Variants in CDH12 observed in about 807,000 individuals in gnomAD.
CDH12 encodes cadherin 12, also known as cadherin-12.
CDH12 carries 41 observed loss-of-function variants against 74.1 expected under a neutral mutation model. That is an observed-to-expected ratio of 0.55 (90% confidence interval 0.43 to 0.72). The LOEUF is 0.72. Ranked by LOEUF, CDH12 falls within the 30% of genes least tolerant of loss-of-function variation. CDH12 has a pLI of 0.00. For missense variants in CDH12, 945 were observed against 977.2 expected (o/e 0.97, Z 0.44); for synonymous variants, 399 against 355.0 (o/e 1.12, Z -1.39).
chr5:22,710,707 A>T (rs1483334752), intron 1 of CDH12, among the ~76,000 whole-genome samples: 1 of 152,168 alleles, frequency 6.6e-6, no homozygotes, highest in South Asian at 2.1e-4. Context: ...ATTAGAGAAT[A>T]TTAAAAGTCT....
At chr5:22,220,390 G>GT (rs1458019264) in intron 3 of CDH12, among the ~76,000 whole-genome samples, 2 of 141,068 alleles carry the variant, frequency 1.4e-5, no homozygotes, top group East Asian at 4.1e-4. Flanking sequence ...CATCTATCAT[G>GT]TTTTAGAAAT....
intron 1 of CDH12, among the ~76,000 whole-genome samples, chr5:22,744,437 A>G (rs1378118750): frequency 6.6e-6 from 1 of 151,976 alleles, no homozygotes; most frequent in African/African-American, 2.4e-5. Context: ...TCAAAAAAAA[A>G]CAAACAAAAA....
chr5:21,961,257 C>G (rs1295459574), intron 6 of CDH12, among the ~76,000 whole-genome samples: 1 of 152,080 alleles, frequency 6.6e-6, no homozygotes, highest in Non-Finnish European at 1.5e-5. Context: ...TAATGCATTG[C>G]TAATGAGCTT....
intron 1 of CDH12, among the ~76,000 whole-genome samples, chr5:22,704,625 T>A (rs530369487): frequency 2.0e-5 from 3 of 152,114 alleles, no homozygotes; most frequent in Admixed American, 2.0e-4. Context: ...ATAATAATTA[T>A]AGAAAATCTA....
intron 2 of CDH12, among the ~76,000 whole-genome samples, chr5:22,435,593 T>G (rs1044586120): frequency 3.3e-5 from 5 of 151,900 alleles, no homozygotes; most frequent in Non-Finnish European, 5.9e-5. Flanking sequence ...AAACTTAGTT[T>G]ATAGTTTAAA....
At chr5:22,185,828 T>C (rs184919140) in intron 4 of CDH12, among the ~76,000 whole-genome samples, 1 of 152,320 alleles carries the variant, frequency 6.6e-6, no homozygotes, top group Admixed American at 6.5e-5. Flanking sequence ...AAGATTTATA[T>C]CTATATGCCA....
intron 2 of CDH12, among the ~76,000 whole-genome samples, chr5:22,456,950 T>G (rs1475683836): frequency 2.0e-5 from 3 of 151,246 alleles, no homozygotes; most frequent in African/African-American, 7.3e-5. Flanking sequence ...TATTCATGGT[T>G]TTTTTTTTAA....
chr5:22,075,735 G>A (rs1220775497), intron 5 of CDH12, among the ~76,000 whole-genome samples: 6 of 152,036 alleles, frequency 3.9e-5, no homozygotes, highest in Admixed American at 1.3e-4. Context: ...AGTTTCACTT[G>A]GATTTTCAAC....
intron 3 of CDH12, among the ~76,000 whole-genome samples, chr5:22,391,240 C>A (rs1742235775): frequency 6.6e-6 from 1 of 152,090 alleles, no homozygotes; most frequent in South Asian, 2.1e-4. Context: ...TGAATGGATA[C>A]ACATGGAACT....
At chr5:22,815,031 C>T (rs897396792) in intron 1 of CDH12, among the ~76,000 whole-genome samples, 1 of 151,978 alleles carries the variant, frequency 6.6e-6, no homozygotes, top group African/African-American at 2.4e-5. Context: ...TAACTGTGCA[C>T]CCAGTGTTTC....
chr5:22,367,651 C>G (rs1403351737), intron 3 of CDH12, among the ~76,000 whole-genome samples: 1 of 152,126 alleles, frequency 6.6e-6, no homozygotes, highest in Non-Finnish European at 1.5e-5. Flanking sequence ...GCTTTCACTT[C>G]TTGGCTTATG....
intron 2 of CDH12, among the ~76,000 whole-genome samples, chr5:22,459,692 T>A (rs1745422520): frequency 6.6e-6 from 1 of 152,124 alleles, no homozygotes; most frequent in South Asian, 2.1e-4. Context: ...AAACTGAAAT[T>A]GGCTGGGTGC....
At chr5:22,753,106 T>C (rs1190053145) in intron 1 of CDH12, among the ~76,000 whole-genome samples, 1 of 152,016 alleles carries the variant, frequency 6.6e-6, no homozygotes, top group Non-Finnish European at 1.5e-5. Flanking sequence ...GCGAGGCATG[T>C]TAAGACCTGG....
Position 21,807,649 on chromosome 5 carries a change from G to A in CDH12, c.1003-5229C>T, listed in dbSNP as rs527556294. Among the ~76,000 whole-genome samples, 7 of 152,234 alleles carry A rather than the reference G, an allele frequency of 4.6e-5. No individual in the cohort carries two copies. The East Asian group carries it at 9.7e-4, about 21-fold the overall frequency. On this transcript the variant is annotated intron_variant, in intron 9 of 14. Transcript: ENST00000382254. ...CTTCCAGATAATGTTGAGTGGAAAT[G>A]GATAGCTATGGTTATAGATATTTTG...
intron 10 of CDH12, among the ~76,000 whole-genome samples, chr5:21,793,803 C>T (rs894560022): frequency 2.0e-5 from 3 of 151,514 alleles, no homozygotes; most frequent in Non-Finnish European, 1.5e-5. Context: ...ACTGAATGCT[C>T]TGGAACAGCT....
chr5:21,803,773 A>G (rs1297114563), intron 9 of CDH12, among the ~76,000 whole-genome samples: 2 of 152,110 alleles, frequency 1.3e-5, no homozygotes, highest in African/African-American at 4.8e-5. Flanking sequence ...GTAAGTTGCT[A>G]ATTGCTGTGT....
At chr5:22,403,925 T>A (rs1742834322) in intron 3 of CDH12, among the ~76,000 whole-genome samples, 1 of 152,064 alleles carries the variant, frequency 6.6e-6, no homozygotes, top group African/African-American at 2.4e-5. Context: ...TTAAATACAA[T>A]ACAGTAAGAT....
chr5:22,348,751 A>T (rs959185854), intron 3 of CDH12, among the ~76,000 whole-genome samples: 18 of 152,216 alleles, frequency 1.2e-4, no homozygotes, highest in African/African-American at 4.3e-4. Flanking sequence ...TATTTCAAGT[A>T]TTTAAAAGAT....
intron 3 of CDH12, among the ~76,000 whole-genome samples, chr5:22,267,318 A>G (rs1315450509): frequency 6.6e-6 from 1 of 152,192 alleles, no homozygotes; most frequent in Non-Finnish European, 1.5e-5. Context: ...CAGATTCTAT[A>G]TTGAGCCATT....
Sources: allele counts gnomAD v4.1 joint callset (sites outside exome capture counted in the v4.1 genomes callset), GRCh38; gene constraint gnomAD v4.1.1; transcripts MANE v1.5; gene names NCBI Gene and HGNC (gene_info 2026-07-23, HGNC 2026-07-21).